AKAP9: variants seen among roughly 807,000 people sequenced by gnomAD.
AKAP9 encodes the protein A-kinase anchor protein 9.
AKAP9 carries 311 observed loss-of-function variants against 488.5 expected under a neutral mutation model. The observed-to-expected ratio is 0.64, with a 90% CI of 0.58 to 0.70. AKAP9 has a LOEUF of 0.70. Ranked by LOEUF, AKAP9 falls within the 30% of genes least tolerant of loss-of-function variation. The pLI, the probability that AKAP9 is intolerant of heterozygous loss-of-function variation, is 0.00. For missense variants in AKAP9, 4,215 were observed against 4,374.5 expected (o/e 0.96, Z 1.03); for synonymous variants, 1,462 against 1,483.5 (o/e 0.99, Z 0.33).
chr7:92,103,918 T>G (rs1818069126), intron 46 of AKAP9, among the ~76,000 whole-genome samples: 2 of 152,126 alleles, frequency 1.3e-5, no homozygotes, highest in Admixed American at 1.3e-4. Context: ...GGATTTTTGC[T>G]TTTTGCTAGT....
rs201729046 is a variant in AKAP9, at chr7:92,100,813, C to G, written c.10897-43C>G. On this transcript the variant is annotated intron_variant, in intron 44 of 49. Transcript: ENST00000356239. Reference sequence around the variant, plus strand: ...ATCTTTTTAATATGTTTAGCTCAGACTTTTCTTCAGAGACTTGTGTAAGTA... The same window carrying G: ...ATCTTTTTAATATGTTTAGCTCAGAGTTTTCTTCAGAGACTTGTGTAAGTA... The G allele has an allele frequency of 2.0e-4, 320 of 1,608,740 alleles. No individual in the cohort carries two copies. In the African/African-American group the frequency reaches 3.4e-3, roughly 17 times the overall value.
At chr7:91,953,901 A>G (rs1193879885) in intron 1 of AKAP9, among the ~76,000 whole-genome samples, 1 of 151,744 alleles carries the variant, frequency 6.6e-6, no homozygotes, top group Non-Finnish European at 1.5e-5. Context: ...ATGAAGTAGT[A>G]AAAACCATTA....
At chr7:91,941,174 T>G in intron 1 of AKAP9, 27 bp downstream of exon 1, 1 of 1,610,172 alleles carries the variant, frequency 6.2e-7, no homozygotes, top group East Asian at 2.2e-5. Flanking sequence ...CAACCGGGCC[T>G]GCGGTGGGAG....
chr7:92,013,791 C>T (rs997058467), intron 9 of AKAP9, among the ~76,000 whole-genome samples: 1 of 151,402 alleles, frequency 6.6e-6, no homozygotes, highest in Non-Finnish European at 1.5e-5. Flanking sequence ...CCTCTTCAAA[C>T]AGGCTAGTGT....
At chr7:92,045,320 CA>C in intron 21 of AKAP9, 107 bp downstream of exon 21, 1 of 1,072,238 alleles carries the variant, frequency 9.3e-7, no homozygotes, top group Non-Finnish European at 1.4e-6. Flanking sequence ...TATTTTCCAG[CA>C]AATGGACCTT....
At chr7:92,047,053 A>G (rs1307009842) in intron 21 of AKAP9, among the ~76,000 whole-genome samples, 6 of 152,212 alleles carry the variant, frequency 3.9e-5, no homozygotes, top group Non-Finnish European at 7.4e-5. Context: ...GAATAAATGG[A>G]TAATTTAACT....
chr7:92,002,955 A>G lies in AKAP9; in HGVS notation c.3038A>G (p.Asp1013Gly). Residue 1013 changes from aspartate to glycine, a missense_variant, in exon 8 of 50, where the codon GAT becomes GGT. Coordinates refer to ENST00000356239, the MANE Select transcript of AKAP9 (RefSeq NM_005751.5). ...AGGGCAGAAAATGTACAGTCATGTGATACTCAAGTAAGCTCTTTATTAGAT... is the reference window on the plus strand; with the variant it reads ...AGGGCAGAAAATGTACAGTCATGTGGTACTCAAGTAAGCTCTTTATTAGAT... ...HNRAENVQSC[D>G]TQVSSLLDGV... is the part of the protein sequence containing the mutation. 1 of 1,613,246 alleles carries G rather than the reference A, an allele frequency of 6.2e-7. No individual in the cohort carries two copies. Among genetic ancestry groups the G allele is most frequent in the Non-Finnish European group, 8.5e-7 (1 of 1,179,608 alleles).
intron 14 of AKAP9, among the ~76,000 whole-genome samples, chr7:92,025,928 G>C (rs1004351531): frequency 1.3e-5 from 2 of 152,134 alleles, no homozygotes; most frequent in Admixed American, 1.3e-4. Context: ...AATGGTTGGG[G>C]AATATAACAT....
At chr7:92,050,152 C>T (rs1018262041) in intron 21 of AKAP9, among the ~76,000 whole-genome samples, 2 of 151,944 alleles carry the variant, frequency 1.3e-5, no homozygotes, top group African/African-American at 2.4e-5. Flanking sequence ...GCAACCTCCA[C>T]CTCCTGGATT....
In AKAP9 at chr7:92,022,249, G is replaced by A. The variant is rs1802428000; in HGVS notation, c.3849G>A (p.Gln1283=). The A allele has an allele frequency of 8.7e-6, 14 of 1,610,322 alleles. No individual in the cohort carries two copies. The highest frequency in any genetic ancestry group is 1.0e-5 in the Non-Finnish European group (12 of 1,176,816). The change falls in exon 13 of 50, where the codon CAG becomes CAA. Residue 1283 remains glutamine (Q), a synonymous_variant. Coordinates refer to ENST00000356239, the MANE Select transcript of AKAP9 (RefSeq NM_005751.5). ...GTGGTTTTCAATAGATCTGGGGACA[G>A]CAGACAGATGGTATGAAACTTGAAT... ...LQTRLSKIWG[Q]QTDGMKLEFG...
In AKAP9 at chr7:92,029,902, G is replaced by T. The variant is rs762293635; in HGVS notation, c.4156G>T (p.Val1386Phe). The change falls in exon 15 of 50, where the codon GTT becomes TTT. Residue 1386 changes from valine (V) to phenylalanine (F), a missense_variant. Val to Phe is a conservative substitution (Grantham distance 50). This residue lies in a region of AKAP9 where 2,361 missense variants were observed against 2,430.0 expected (regional missense o/e 0.97). Transcript: ENST00000356239. ...TTTTTTATTTATATTCAGCTTACCT[G>T]TTGATTCGGTGGTAATTACAGAATC... is the stretch of plus-strand genomic sequence containing the variant. Reference protein sequence around the residue: ...SESTVPPSLPVDSVVITESDA... With the variant: ...SESTVPPSLPFDSVVITESDA... 25 of 1,611,276 alleles carry T rather than the reference G, an allele frequency of 1.6e-5. No individual in the cohort carries two copies. The South Asian group carries it at 1.8e-4, about 11-fold the overall frequency.
At chr7:91,980,602 T>C (rs1244632382) in intron 3 of AKAP9, among the ~76,000 whole-genome samples, 1 of 148,106 alleles carries the variant, frequency 6.8e-6, no homozygotes, top group African/African-American at 2.5e-5. Flanking sequence ...ATTGGGTTTC[T>C]TAGACATGTG....
At position 92,001,258 on chromosome 7, in the gene AKAP9, A is replaced by G. The variant is rs770246714; in HGVS notation, c.1341A>G (p.Gln447=). The G allele has an allele frequency of 5.6e-6, 9 of 1,613,880 alleles. No homozygotes were observed. In the Admixed American group the frequency reaches 1.0e-4, roughly 18 times the overall value. The change falls in exon 8 of 50, where the codon CAA becomes CAG. Residue 447 remains glutamine (Q), a synonymous_variant. Coordinates refer to ENST00000356239, the MANE Select transcript of AKAP9 (RefSeq NM_005751.5). ...LDEMYGQQIV[Q]MKQELIRQHM... Reference sequence around the variant, plus strand: ...AGATGTATGGGCAGCAGATAGTGCAAATGAAACAAGAATTAATAAGACAAC... The same window carrying G: ...AGATGTATGGGCAGCAGATAGTGCAGATGAAACAAGAATTAATAAGACAAC...
Position 91,994,750 on chromosome 7 carries a change from C to A in AKAP9, c.706C>A (p.Gln236Lys). Residue 236 changes from glutamine to lysine, a missense_variant, in exon 6 of 50, where the codon CAA (glutamine) becomes AAA (lysine). Transcript: ENST00000356239. Reference protein sequence around the residue: ...REFLELTEQSQKLQIQFQQLQ... With the variant: ...REFLELTEQSKKLQIQFQQLQ... ...ATTTTTAGAGTTGACAGAACAGAGT[C>A]AAAAATTACAGATTCAATTTCAGCA... The A allele has an allele frequency of 1.2e-6, 2 of 1,610,944 alleles. No individual in the cohort carries two copies. Among genetic ancestry groups the A allele is most frequent in the South Asian group, 2.2e-5 (2 of 89,926 alleles).
chr7:92,086,405 A>G lies in AKAP9; in HGVS notation c.9202A>G (p.Ile3068Val), dbSNP rs538801309. The G allele has an allele frequency of 2.5e-6, 4 of 1,613,040 alleles. No individual in the cohort carries two copies. The East Asian group carries it at 8.9e-5, about 36-fold the overall frequency. ...VGLLNCLEQR[I>V]QEQGVEYQAA... ...TTTACTAAACTGTTTGGAACAGAGAATACAAGAACAGGTATAATGAAACTT... is the reference window on the plus strand; with the variant it reads ...TTTACTAAACTGTTTGGAACAGAGAGTACAAGAACAGGTATAATGAAACTT... The change falls in exon 37 of 50, where the codon ATA becomes GTA. Residue 3068 changes from isoleucine (I) to valine (V), a missense_variant. Transcript: ENST00000356239.
At chr7:92,108,747 T>C in intron 49 of AKAP9, 114 bp downstream of exon 49, 5 of 1,271,692 alleles carry the variant, frequency 3.9e-6, no homozygotes, top group Non-Finnish European at 4.5e-6. Context: ...GTTTAGTGCA[T>C]GAGCTAATTA....
chr7:91,957,742 A>C (rs374627857), intron 1 of AKAP9, among the ~76,000 whole-genome samples: 1 of 152,204 alleles, frequency 6.6e-6, no homozygotes, highest in East Asian at 1.9e-4. Flanking sequence ...CAAATGATGA[A>C]AGTTCATTTC....
At chr7:91,971,774 T>TCAGC (rs1795111017) in intron 1 of AKAP9, among the ~76,000 whole-genome samples, 2 of 151,514 alleles carry the variant, frequency 1.3e-5, no homozygotes, top group African/African-American at 4.8e-5. Context: ...TTTCACTGTG[T>TCAGC]CAGCCAGGAT....
At chr7:91,986,233 A>G (rs1326351572) in intron 3 of AKAP9, among the ~76,000 whole-genome samples, 1 of 152,202 alleles carries the variant, frequency 6.6e-6, no homozygotes, top group East Asian at 1.9e-4. Flanking sequence ...CTGGTCTGCC[A>G]GTTTCTGAGA....
Sources: gnomAD v4.1 joint callset for allele counts (sites outside exome capture counted in the v4.1 genomes callset) on GRCh38, gnomAD v4.1.1 for gene constraint, gnomAD v4.1.1 regional missense constraint, MANE v1.5 for transcripts, NCBI Gene and HGNC (gene_info 2026-07-23, HGNC 2026-07-21) for gene names.